The following MPZL2 variants were observed in gnomAD, a reference collection of about 807,000 sequenced individuals.
MPZL2 encodes myelin protein zero like 2.
Under a neutral mutation model 24.5 loss-of-function variants are expected in MPZL2, and 32 were observed. That is an observed-to-expected ratio of 1.31 (90% CI 0.99 to 1.76). The LOEUF is 1.76. Ranked by LOEUF, MPZL2 falls within the 40% of genes most tolerant of loss-of-function variation. The pLI, the probability that MPZL2 is intolerant of heterozygous loss-of-function variation, is 0.00. For synonymous variants in MPZL2, 92 were observed against 97.9 expected, an observed-to-expected ratio of 0.94 and a Z score of 0.36; for missense variants, 304 against 274.9, an observed-to-expected ratio of 1.11 and a Z score of -0.75.
rs1239448810 is a variant in MPZL2 at position 118,257,300 on chromosome 11, T to C, written c.598A>G (p.Arg200Gly). ...VVEIKSKEEE[R>G]LNQEKKVSVY... is the part of the protein sequence containing the mutation. Reference sequence around the variant, plus strand: ...GAGACCTTTTTCTCTTGGTTGAGCCTTTCCTCTTCTTTTCTGTAACAAGCA... The same window carrying C: ...GAGACCTTTTTCTCTTGGTTGAGCCCTTCCTCTTCTTTTCTGTAACAAGCA... The change falls in exon 5 of 6, where the codon AGG (arginine) becomes GGG (glycine). Residue 200 changes from arginine (R) to glycine (G), a missense_variant. Coordinates refer to ENST00000278937, the MANE Select transcript of MPZL2 (RefSeq NM_005797.4). 6.2e-7 allele frequency: 1 copy of C among 1,611,432 alleles called. No homozygotes were observed. Among genetic ancestry groups the C allele is most frequent in the Non-Finnish European group, 8.5e-7 (1 of 1,178,692 alleles).
chr11:118,263,882 C>T (rs4936426), intron 1 of MPZL2, among the ~76,000 whole-genome samples: 77,015 of 151,870 alleles, frequency 0.51, 20,684 homozygotes, highest in South Asian at 0.68. Flanking sequence ...GTGCCTGAAT[C>T]ACTGGCAGCT....
chr11:118,261,733 T>C (rs1022886527), intron 3 of MPZL2, among the ~76,000 whole-genome samples: 2 of 152,236 alleles, frequency 1.3e-5, no homozygotes, highest in African/African-American at 4.8e-5. Context: ...GTTTTCCAGA[T>C]TGTCCTTTAT....
intron 5 of MPZL2, chr11:118,256,969 A>C: frequency 4.0e-6 from 1 of 248,762 alleles, no homozygotes; most frequent in Non-Finnish European, 7.6e-6. Context: ...AGTAGTAATA[A>C]ATATAACCCC....
intron 1 of MPZL2, 45 bp from the exon 2 acceptor site, chr11:118,263,142 T>C (rs772676740): frequency 6.4e-7 from 1 of 1,573,468 alleles, no homozygotes; most frequent in Admixed American, 1.9e-5. Context: ...GGGGATGTAG[T>C]ATTGTGAGAA....
At chr11:118,259,204 A>G (rs907640375) in intron 4 of MPZL2, 2 of 152,210 alleles carry the variant, frequency 1.3e-5, no homozygotes, top group African/African-American at 4.8e-5. Flanking sequence ...TCTACACAAA[A>G]GCTTGTAAAT....
intron 4 of MPZL2, chr11:118,259,446 T>C (rs1243677881): frequency 1.3e-5 from 2 of 152,214 alleles, no homozygotes; most frequent in African/African-American, 2.4e-5. Context: ...TTAAATGAAA[T>C]GTCCAGAATA....
intron 4 of MPZL2, chr11:118,259,819 AAATC>A (rs1466262969): frequency 4.9e-6 from 2 of 404,228 alleles, no homozygotes; most frequent in Non-Finnish European, 8.6e-6. Flanking sequence ...CATTTTTGTA[AAATC>A]AACCCCCCCA....
In MPZL2 at chr11:118,259,191, T is replaced by C. The variant is rs925269719; in HGVS notation, c.584+863A>G. The C allele has an allele frequency of 5.0e-5, 6 of 119,338 alleles. No homozygotes were observed. In the East Asian group the frequency reaches 1.2e-3, roughly 25 times the overall value. The allele number at this position is 119,338 out of a possible 1,614,324, so 7.4% of individuals were successfully genotyped here. A position where few individuals can be genotyped will look rare whatever the true frequency, so the allele number is the denominator to read the frequency against. ...CACTTTTAGGAGAATTAAAAACATA[T>C]GATCTACACAAAAGCTTGTAAATGA... On this transcript the variant is annotated intron_variant, in intron 4 of 5. Transcript: ENST00000278937.
rs1949667776 is a variant in MPZL2, at chr11:118,257,304, CTCT to C, written c.591_593del (p.Glu199del). ...CCTTTTTCTCTTGGTTGAGCCTTTC[CTCT>C]TCTTTTCTGTAACAAGCAGAAACCA... On this transcript the variant is annotated inframe_deletion, in exon 5 of 6. Transcript: ENST00000278937. 3 of 1,610,682 alleles carry C rather than the reference CTCT, an allele frequency of 1.9e-6. No individual in the cohort carries two copies. The East Asian group carries it at 6.7e-5, about 36-fold the overall frequency.
chr11:118,262,858 G>A (rs1428459681), intron 2 of MPZL2, 73 bp downstream of exon 2: 89 of 1,534,634 alleles, frequency 5.8e-5, no homozygotes, highest in Admixed American at 7.4e-5. Flanking sequence ...ATACTGGAAG[G>A]GAAAGGAGAA....
At position 118,258,895 on chromosome 11, in the gene MPZL2, G is replaced by A. The variant is rs141768989; in HGVS notation, c.584+1159C>T. On this transcript the variant is annotated intron_variant, in intron 4 of 5. Transcript: ENST00000278937. ...GCCTCCTCAGGAGCCAACCAACATCGGCGCCATGCTTGTACATCCACAGAA... is the reference window on the plus strand; with the variant it reads ...GCCTCCTCAGGAGCCAACCAACATCAGCGCCATGCTTGTACATCCACAGAA... Among the ~76,000 whole-genome samples, 365 of 151,990 alleles carry A rather than the reference G, an allele frequency of 2.4e-3. 2 individuals are homozygous for A. Among genetic ancestry groups the A allele is most frequent in the African/African-American group, 8.4e-3 (350 of 41,468 alleles).
chr11:118,256,882 TAAAA>T (rs964035232), intron 5 of MPZL2: 2 of 155,518 alleles, frequency 1.3e-5, no homozygotes, highest in East Asian at 1.9e-4. Flanking sequence ...GGTTTACAAT[TAAAA>T]AAAAAGAATA....
chr11:118,263,017 A>C lies in MPZL2; in HGVS notation c.139T>G (p.Cys47Gly), dbSNP rs778104397. 3 of 1,614,212 alleles carry C rather than the reference A, an allele frequency of 1.9e-6. No individual in the cohort carries two copies. The Admixed American group carries it at 5.0e-5, about 27-fold the overall frequency. Residue 47 changes from cysteine (C) to glycine (G), a missense_variant, in exon 2 of 6, where the codon TGC becomes GGC. Coordinates refer to ENST00000278937, the MANE Select transcript of MPZL2 (RefSeq NM_005797.4). Reference sequence around the variant, plus strand: ...ACAGGGGCAAAGCTGGAGAAAGTGCATTTTAACCGAGCATCTGTCCCATTA... The same window carrying C: ...ACAGGGGCAAAGCTGGAGAAAGTGCCTTTTAACCGAGCATCTGTCCCATTA... ...AVNGTDARLK[C>G]TFSSFAPVGD... is the part of the protein sequence containing the mutation.
chr11:118,264,282 C>T lies in MPZL2; in HGVS notation c.-129G>A, dbSNP rs1949724058. The stretch of plus-strand genomic sequence containing the variant: ...AGAGAGGAGTTTGAGTTGAGTTCCT[C>T]ACCTGTGCCTGTGACTCAGCCCGCT... On this transcript the variant is annotated 5_prime_UTR_variant, in exon 1 of 6. Coordinates refer to ENST00000278937, the MANE Select transcript of MPZL2 (RefSeq NM_005797.4). 1.2e-6 allele frequency: 1 copy of T among 835,944 alleles called. No homozygotes were observed. The highest frequency in any genetic ancestry group is 1.7e-5 in the African/African-American group (1 of 59,910). The allele number at this position is 835,944 out of a possible 1,614,324, so 51.8% of individuals were successfully genotyped here. A position where few individuals can be genotyped will look rare whatever the true frequency, so the allele number is the denominator to read the frequency against.
chr11:118,258,138 C>T (rs539638639), intron 4 of MPZL2, among the ~76,000 whole-genome samples: 8 of 151,902 alleles, frequency 5.3e-5, no homozygotes, highest in East Asian at 3.9e-4. Flanking sequence ...TATACGAAAA[C>T]GAACTCAAAG....
intron 3 of MPZL2, among the ~76,000 whole-genome samples, chr11:118,260,804 A>G (rs1949695500): frequency 1.3e-5 from 2 of 152,186 alleles, no homozygotes; most frequent in African/African-American, 4.8e-5. Flanking sequence ...TAAATGATGG[A>G]AAAGGGAAAC....
At chr11:118,262,831 G>A in intron 2 of MPZL2, 100 bp downstream of exon 2, 1 of 1,465,018 alleles carries the variant, frequency 6.8e-7, no homozygotes, top group Non-Finnish European at 9.4e-7. Flanking sequence ...TTAACCTTGT[G>A]CTTGCTGCTA....
At chr11:118,263,969 A>G in intron 1 of MPZL2, 127 bp downstream of exon 1, 1 of 1,015,660 alleles carries the variant, frequency 9.8e-7, no homozygotes. Flanking sequence ...TAAAACCCAA[A>G]GTAAAACAAA....
chr11:118,261,872 C>T (rs1296321661), intron 3 of MPZL2, among the ~76,000 whole-genome samples: 1 of 152,182 alleles, frequency 6.6e-6, no homozygotes, highest in East Asian at 1.9e-4. Flanking sequence ...CCTCTGTGAG[C>T]CTCGTTTCCT....
Sources: allele counts gnomAD v4.1 joint callset (sites outside exome capture counted in the v4.1 genomes callset), GRCh38; gene constraint gnomAD v4.1.1; transcripts MANE v1.5; gene names NCBI Gene and HGNC (gene_info 2026-07-23, HGNC 2026-07-21).